Variants in PARM1 observed in about 807,000 individuals in gnomAD.
PARM1 encodes WSC4, cell wall integrity and stress response component 4 homolog.
In PARM1, 14 loss-of-function variants were observed where a neutral mutation model predicts 24.6. The observed-to-expected ratio is 0.57, with a 90% CI of 0.38 to 0.89. The LOEUF is 0.89. Ranked by LOEUF, PARM1 falls within the 40% of genes least tolerant of loss-of-function variation. The pLI is 0.00. For missense variants in PARM1, 362 were observed against 380.4 expected, an observed-to-expected ratio of 0.95 and a Z score of 0.40; for synonymous variants, 179 against 156.6, an observed-to-expected ratio of 1.14 and a Z score of -1.07.
chr4:75,008,062 A>G (rs932408738), intron 1 of PARM1, among the ~76,000 whole-genome samples: 3 of 152,248 alleles, frequency 2.0e-5, no homozygotes, highest in Non-Finnish European at 2.9e-5. Flanking sequence ...AGCATTCTCT[A>G]CGATCATCAT....
intron 1 of PARM1, among the ~76,000 whole-genome samples, chr4:74,944,670 A>T (rs961835836): frequency 1.3e-5 from 2 of 152,208 alleles, no homozygotes; most frequent in Non-Finnish European, 2.9e-5. Flanking sequence ...CTCCCATCTC[A>T]AAGACAAGCG....
intron 1 of PARM1, chr4:74,966,603 G>A (rs1264951703): frequency 2.0e-5 from 3 of 152,240 alleles, no homozygotes; most frequent in Non-Finnish European, 4.4e-5. Context: ...ACAGGACAGG[G>A]GCCAAGGTTG....
chr4:74,965,183 A>C (rs1721872265), intron 1 of PARM1: 1 of 152,190 alleles, frequency 6.6e-6, no homozygotes, highest in African/African-American at 2.4e-5. Flanking sequence ...GTGGAGTAAA[A>C]ATGTTTTTAA....
chr4:74,988,500 C>T (rs978745568), intron 1 of PARM1, among the ~76,000 whole-genome samples: 1 of 152,134 alleles, frequency 6.6e-6, no homozygotes, highest in African/African-American at 2.4e-5. Flanking sequence ...GACCATAACT[C>T]AGTAAACTCT....
chr4:75,006,583 A>T, intron 1 of PARM1, among the ~76,000 whole-genome samples: 1 of 152,154 alleles, frequency 6.6e-6, no homozygotes, highest in East Asian at 1.9e-4. Context: ...TGCTATTGTG[A>T]ATAGTGCCAC....
intron 1 of PARM1, among the ~76,000 whole-genome samples, chr4:75,007,825 TACTC>T (rs1201818328): frequency 2.0e-5 from 3 of 152,152 alleles, no homozygotes; most frequent in Non-Finnish European, 4.4e-5. Flanking sequence ...TTAAAGAACT[TACTC>T]TCTGTCTTCA....
At chr4:75,040,204 T>G (rs767472233) in intron 3 of PARM1, among the ~76,000 whole-genome samples, 1 of 152,208 alleles carries the variant, frequency 6.6e-6, no homozygotes. Context: ...GGGGAAGCCA[T>G]GGGAATCTGT....
Position 75,012,764 on chromosome 4 carries a change from G to T in PARM1, c.383G>T (p.Gly128Val). Residue 128 changes from glycine to valine, a missense_variant, in exon 2 of 4, where the codon GGC becomes GTC. Coordinates refer to ENST00000307428, the MANE Select transcript of PARM1 (RefSeq NM_015393.4). ...ACCACGTTGGAGGAACACAGCTCGG[G>T]CACTCCTGAAGCAGGCGTGGCAGCT... ...LTTTLEEHSSGTPEAGVAATL... is the reference protein window; with the variant it reads ...LTTTLEEHSSVTPEAGVAATL... 6.2e-7 allele frequency: 1 copy of T among 1,613,932 alleles called. No homozygotes were observed. Among genetic ancestry groups the T allele is most frequent in the Non-Finnish European group, 8.5e-7 (1 of 1,179,892 alleles).
chr4:74,982,593 G>A (rs1722279532), intron 1 of PARM1, among the ~76,000 whole-genome samples: 1 of 152,110 alleles, frequency 6.6e-6, no homozygotes, highest in Admixed American at 6.5e-5. Flanking sequence ...CTGTTCTTGA[G>A]TATATCTTTA....
intron 1 of PARM1, among the ~76,000 whole-genome samples, chr4:74,981,853 T>C (rs900131466): frequency 7.3e-6 from 1 of 136,232 alleles, no homozygotes; most frequent in Non-Finnish European, 1.5e-5. Context: ...AATAACAGTC[T>C]GAGTGATAAA....
intron 1 of PARM1, among the ~76,000 whole-genome samples, chr4:74,958,343 A>C (rs1169943449): frequency 6.6e-6 from 1 of 152,178 alleles, no homozygotes; most frequent in Admixed American, 6.5e-5. Flanking sequence ...GGGGCCATAC[A>C]TGTGTACTGA....
chr4:74,983,299 G>A (rs1028634897), intron 1 of PARM1, among the ~76,000 whole-genome samples: 1 of 152,196 alleles, frequency 6.6e-6, no homozygotes, highest in African/African-American at 2.4e-5. Flanking sequence ...TGGAGAGAAT[G>A]TCTGAAATCT....
chr4:74,948,011 G>A (rs1421599320), intron 1 of PARM1, among the ~76,000 whole-genome samples: 1 of 152,174 alleles, frequency 6.6e-6, no homozygotes, highest in African/African-American at 2.4e-5. Flanking sequence ...ACTGCTGGAC[G>A]CTTTCAGGCC....
At chr4:75,015,893 G>A (rs1448564005) in intron 2 of PARM1, among the ~76,000 whole-genome samples, 4 of 152,176 alleles carry the variant, frequency 2.6e-5, no homozygotes, top group African/African-American at 4.8e-5. Context: ...GTTGGTTTGC[G>A]CTTCAGGTTA....
chr4:74,973,585 A>G (rs1180050099), intron 1 of PARM1, among the ~76,000 whole-genome samples: 1 of 152,108 alleles, frequency 6.6e-6, no homozygotes, highest in Non-Finnish European at 1.5e-5. Flanking sequence ...GGAAGGCAGT[A>G]CAAATTGAAT....
intron 2 of PARM1, among the ~76,000 whole-genome samples, chr4:75,032,411 T>C (rs1723291466): frequency 6.6e-6 from 1 of 152,084 alleles, no homozygotes; most frequent in Admixed American, 6.6e-5. Context: ...ATTCTTTTGG[T>C]GGGAAGGCTA....
At chr4:74,981,085 T>C (rs956822519) in intron 1 of PARM1, among the ~76,000 whole-genome samples, 4 of 152,106 alleles carry the variant, frequency 2.6e-5, no homozygotes, top group African/African-American at 9.7e-5. Flanking sequence ...TCAAAAGCAA[T>C]TGCAACAAAA....
intron 1 of PARM1, among the ~76,000 whole-genome samples, chr4:74,998,069 G>T (rs1722609191): frequency 6.6e-6 from 1 of 152,144 alleles, no homozygotes. Flanking sequence ...CATTTTAATA[G>T]TTCCCACAGA....
chr4:74,982,392 C>T (rs1204778923), intron 1 of PARM1, among the ~76,000 whole-genome samples: 3 of 152,116 alleles, frequency 2.0e-5, no homozygotes. Context: ...AGCAAATCAC[C>T]ATGGCACATG....
Sources: allele counts gnomAD v4.1 joint callset (sites outside exome capture counted in the v4.1 genomes callset), GRCh38; gene constraint gnomAD v4.1.1; transcripts MANE v1.5; gene names NCBI Gene and HGNC (gene_info 2026-07-23, HGNC 2026-07-21).